Variants in OPCML observed in about 807,000 individuals in gnomAD.
OPCML encodes opioid-binding protein/cell adhesion molecule.
In OPCML, 13 loss-of-function variants were observed where a neutral mutation model predicts 37.8. The ratio of observed to expected loss-of-function variants is 0.34; its 90% CI spans 0.22 to 0.55. The LOEUF is 0.55. OPCML is among the 20% of genes least tolerant of loss of function. The pLI is 0.91. For missense variants in OPCML, 341 were observed against 435.6 expected (o/e 0.78, Z 1.93); for synonymous variants, 176 against 168.8 (o/e 1.04, Z -0.33).
intron 1 of OPCML, among the ~76,000 whole-genome samples, chr11:133,284,243 A>G (rs1252817935): frequency 1.3e-5 from 2 of 152,216 alleles, no homozygotes; most frequent in Non-Finnish European, 2.9e-5. Flanking sequence ...TGGCAGGCTC[A>G]TTACGACCCA....
At chr11:133,004,925 G>A in intron 1 of OPCML, 1 of 985,302 alleles carries the variant, frequency 1.0e-6, no homozygotes, top group Non-Finnish European at 1.2e-6. Flanking sequence ...CTTCTCCATT[G>A]CCTGCCCCTT....
chr11:132,637,436 G>C (rs1940578539), intron 3 of OPCML, among the ~76,000 whole-genome samples: 1 of 152,088 alleles, frequency 6.6e-6, no homozygotes, highest in East Asian at 1.9e-4. Context: ...CCATCTTTCA[G>C]TGGCCACAGT....
At chr11:133,233,503 G>A (rs1041738678) in intron 1 of OPCML, among the ~76,000 whole-genome samples, 7 of 152,050 alleles carry the variant, frequency 4.6e-5, no homozygotes, top group Non-Finnish European at 1.5e-5. Context: ...CACCCTTAGT[G>A]CCCATTAGTT....
rs1948625464 is a variant in OPCML, at chr11:133,532,450, G to A, written c.-126C>T. 1 of 1,185,388 alleles carries A rather than the reference G, an allele frequency of 8.4e-7. No individual in the cohort carries two copies. Among genetic ancestry groups the A allele is most frequent in the East Asian group, 2.6e-5 (1 of 38,900 alleles). The allele number at this position is 1,185,388 out of a possible 1,614,324, so 73.4% of individuals were successfully genotyped here. On this transcript the variant is annotated 5_prime_UTR_variant, in exon 1 of 8. Transcript: ENST00000524381. Reference sequence around the variant, plus strand: ...CAATGTTTGCAAAGGGAGGGAGAGAGCAGAAGAGAGAGAGAGCGCGCGAGA... The same window carrying A: ...CAATGTTTGCAAAGGGAGGGAGAGAACAGAAGAGAGAGAGAGCGCGCGAGA...
At chr11:133,225,492 G>A (rs778012607) in intron 1 of OPCML, among the ~76,000 whole-genome samples, 15 of 152,116 alleles carry the variant, frequency 9.9e-5, no homozygotes, top group Non-Finnish European at 2.1e-4. Context: ...TCCCCAATGC[G>A]AGTGCTGTAT....
intron 2 of OPCML, among the ~76,000 whole-genome samples, chr11:132,902,295 C>T (rs1053798242): frequency 3.9e-5 from 6 of 152,060 alleles, no homozygotes; most frequent in African/African-American, 1.4e-4. Flanking sequence ...AGTCAGGGCT[C>T]TTGGGAATGA....
chr11:132,501,918 G>A (rs116545019), intron 4 of OPCML, among the ~76,000 whole-genome samples: 2,277 of 152,250 alleles, frequency 0.015, 51 homozygotes, highest in African/African-American at 0.051. Flanking sequence ...AGATGAATCT[G>A]TTTCTGAGTC....
chr11:132,562,855 G>T (rs923470150), intron 3 of OPCML, among the ~76,000 whole-genome samples: 1 of 152,120 alleles, frequency 6.6e-6, no homozygotes, highest in Non-Finnish European at 1.5e-5. Flanking sequence ...TAAAAAGCAG[G>T]CAAAGCTCAA....
chr11:132,631,352 C>CATATATATATATAT lies in OPCML; in HGVS notation c.379+25721_379+25734dup, dbSNP rs61450463. Among the ~76,000 whole-genome samples the CATATATATATATAT allele has an allele frequency of 1.8e-3, 257 of 142,696 alleles. 1 individual carries two copies. The highest frequency in any genetic ancestry group is 3.8e-3 in the Middle Eastern group (1 of 262). The allele number at this position is 142,696 out of a possible 152,430, so 93.6% of individuals were successfully genotyped here. ...TAAAAGAAAAAAATAACCATATATACATATATATATATATATATATATATC... is the reference window on the plus strand; with the variant it reads ...TAAAAGAAAAAAATAACCATATATACATATATATATATATATATATATATATATATATATATATC... On this transcript the variant is annotated intron_variant, in intron 3 of 7. Transcript: ENST00000524381.
At chr11:132,971,635 A>G (rs1443598033) in intron 1 of OPCML, among the ~76,000 whole-genome samples, 1 of 152,230 alleles carries the variant, frequency 6.6e-6, no homozygotes, top group Non-Finnish European at 1.5e-5. Flanking sequence ...GCAGCTGTAC[A>G]GAGGTGACAA....
intron 1 of OPCML, chr11:133,006,660 C>T: frequency 1.0e-6 from 1 of 985,430 alleles, no homozygotes; most frequent in Non-Finnish European, 1.2e-6. Flanking sequence ...GTGGTCAGTG[C>T]CCTTCCCTGA....
At chr11:132,472,713 A>T (rs2096141871) in intron 4 of OPCML, among the ~76,000 whole-genome samples, 2 of 152,150 alleles carry the variant, frequency 1.3e-5, no homozygotes. Context: ...GGGAGAGTGG[A>T]GCTTGCACTG....
In OPCML at chr11:133,173,160, C is replaced by T. The variant is rs1051112795; in HGVS notation, c.62-230150G>A. On this transcript the variant is annotated intron_variant, in intron 1 of 7. Transcript: ENST00000524381. This position sits in a 1 kb window ranked among gnomAD's most constrained non-coding sequence, Gnocchi z 7.8. Reference sequence around the variant, plus strand: ...CCACACCCATGCTTTAAAAAAATTACATGTGAGGGAATATTTCATATGAAT... The same window carrying T: ...CCACACCCATGCTTTAAAAAAATTATATGTGAGGGAATATTTCATATGAAT... Among the ~76,000 whole-genome samples, 14 of 152,126 alleles carry T rather than the reference C, an allele frequency of 9.2e-5. No homozygotes were observed. The highest frequency in any genetic ancestry group is 2.9e-4 in the African/African-American group (12 of 41,412).
chr11:133,309,098 A>G (rs569633718), intron 1 of OPCML, among the ~76,000 whole-genome samples: 16 of 152,318 alleles, frequency 1.1e-4, no homozygotes, highest in Admixed American at 4.6e-4. Context: ...TGCTTCAGAC[A>G]AGAACCACTG....
At chr11:133,440,762 T>TTATATATATATA (rs58808691) in intron 1 of OPCML, among the ~76,000 whole-genome samples, 8 of 126,942 alleles carry the variant, frequency 6.3e-5, no homozygotes, top group African/African-American at 2.4e-4. Flanking sequence ...CCTACAGCAA[T>TTATATATATATA]TATATATATA....
rs539575433 is a variant in OPCML at position 132,556,947 on chromosome 11, A to G, written c.380-27761T>C. Reference sequence around the variant, plus strand: ...TATCATTTTGAAACCCATGAGGAAGAGAGTTCTGACTCTTTCTCACAAAAT... The same window carrying G: ...TATCATTTTGAAACCCATGAGGAAGGGAGTTCTGACTCTTTCTCACAAAAT... On this transcript the variant is annotated intron_variant, in intron 3 of 7. Coordinates refer to ENST00000524381, the MANE Select transcript of OPCML (RefSeq NM_001012393.5). Among the ~76,000 whole-genome samples the G allele has an allele frequency of 4.1e-4, 62 of 152,294 alleles. 1 individual carries two copies. Among genetic ancestry groups the G allele is most frequent in the African/African-American group, 1.4e-3 (60 of 41,546 alleles).
At chr11:133,373,081 G>C (rs1034173155) in intron 1 of OPCML, among the ~76,000 whole-genome samples, 8 of 152,066 alleles carry the variant, frequency 5.3e-5, no homozygotes, top group African/African-American at 1.9e-4. Context: ...AATTAATACA[G>C]TGCAATATAG....
chr11:133,047,508 T>C (rs1591948946), intron 1 of OPCML, among the ~76,000 whole-genome samples: 1 of 152,228 alleles, frequency 6.6e-6, no homozygotes, highest in South Asian at 2.1e-4. Context: ...CACTTGTTTC[T>C]GTCAGGGAAT....
intron 1 of OPCML, among the ~76,000 whole-genome samples, chr11:133,207,024 A>C (rs1592103708): frequency 6.6e-6 from 1 of 151,386 alleles, no homozygotes; most frequent in Non-Finnish European, 1.5e-5. Flanking sequence ...GCGGTGGCTC[A>C]CGCCTGTAAT....
Sources: gnomAD v4.1 joint callset for allele counts (sites outside exome capture counted in the v4.1 genomes callset) on GRCh38, gnomAD v4.1.1 for gene constraint, Gnocchi (gnomAD v3.1) non-coding constraint, MANE v1.5 for transcripts, NCBI Gene and HGNC (gene_info 2026-07-23, HGNC 2026-07-21) for gene names.